Variants in PRR11 observed in about 807,000 individuals in gnomAD.
PRR11 encodes the protein proline rich 11, also known as proline-rich protein 11.
Under a neutral mutation model 45.6 loss-of-function variants are expected in PRR11, and 30 were observed. The observed-to-expected ratio is 0.66, with a 90% CI of 0.49 to 0.89. The LOEUF is 0.89. Among genes scored for constraint, PRR11 ranks in the 40% least tolerant of loss-of-function variants. The probability of loss-of-function intolerance (pLI) is 0.00; values close to 1 mark genes in which losing one functional copy is unlikely to be tolerated. For missense variants in PRR11, 373 were observed against 424.8 expected (o/e 0.88, Z 1.07); for synonymous variants, 128 against 153.5 (o/e 0.83, Z 1.23).
chr17:59,194,443 A>G (rs1047686294), intron 5 of PRR11, among the ~76,000 whole-genome samples: 1 of 151,778 alleles, frequency 6.6e-6, no homozygotes, highest in Admixed American at 6.6e-5. Flanking sequence ...AACTCCTTCA[A>G]CTCTTGTCTT....
chr17:59,155,871 T>C (rs943844817), intron 1 of PRR11, 66 bp downstream of exon 1: 3 of 152,824 alleles, frequency 2.0e-5, no homozygotes, highest in Admixed American at 1.3e-4. Flanking sequence ...GGCCTGTTGC[T>C]GCTTGTGTTT....
intron 2 of PRR11, chr17:59,175,038 G>C: frequency 1.6e-6 from 1 of 632,758 alleles, no homozygotes; most frequent in Non-Finnish European, 2.8e-6. Flanking sequence ...ATGGAACAAG[G>C]GTATCTGGGA....
rs1440559844 is a variant in PRR11 at position 59,193,449 on chromosome 17, A to G, written c.403-43A>G. 2.5e-6 allele frequency: 4 copies of G among 1,610,238 alleles called. No individual in the cohort carries two copies. The African/African-American group carries it at 5.3e-5, about 22-fold the overall frequency. On this transcript the variant is annotated intron_variant, in intron 4 of 9. Coordinates refer to ENST00000262293, the MANE Select transcript of PRR11 (RefSeq NM_018304.4). ...GATGACTCTCACCCTCAAGAATCAAATTAACTTGTTATTTATTTGCCAAAT... is the reference window on the plus strand; with the variant it reads ...GATGACTCTCACCCTCAAGAATCAAGTTAACTTGTTATTTATTTGCCAAAT...
At chr17:59,160,148 GTAAA>G (rs1486841395) in intron 1 of PRR11, among the ~76,000 whole-genome samples, 2 of 151,888 alleles carry the variant, frequency 1.3e-5, no homozygotes, top group Non-Finnish European at 2.9e-5. Flanking sequence ...GCCAGGCACT[GTAAA>G]TACTTTACAT....
At chr17:59,195,915 A>T (rs2046863698) in intron 7 of PRR11, among the ~76,000 whole-genome samples, 1 of 151,478 alleles carries the variant, frequency 6.6e-6, no homozygotes, top group Non-Finnish European at 1.5e-5. Context: ...CCCCATCTCT[A>T]AAAAAAACTA....
intron 2 of PRR11, chr17:59,177,033 A>G (rs1599697677): frequency 2.4e-6 from 1 of 421,266 alleles, no homozygotes; most frequent in East Asian, 6.2e-5. Context: ...TAAAAACAAG[A>G]TAGTATAATC....
chr17:59,185,387 T>C (rs1025872700), intron 3 of PRR11, 53 bp from the exon 4 acceptor site: 1 of 1,562,206 alleles, frequency 6.4e-7, no homozygotes, highest in Non-Finnish European at 8.7e-7. Flanking sequence ...TCCTGTTTTC[T>C]TGTCCTTATC....
chr17:59,161,410 C>CAAAAAAAAAAAAAAAAAAAAA (rs60245705), intron 1 of PRR11, among the ~76,000 whole-genome samples: 1 of 95,266 alleles, frequency 1.0e-5, no homozygotes, highest in Non-Finnish European at 2.1e-5. Flanking sequence ...GACTCCGTCT[C>CAAAAAAAAAAAAAAAAAAAAA]AAAAAAAAAA....
chr17:59,172,914 G>C (rs764469581), intron 2 of PRR11, among the ~76,000 whole-genome samples: 3 of 152,242 alleles, frequency 2.0e-5, no homozygotes, highest in Non-Finnish European at 4.4e-5. Flanking sequence ...GGCACATGGC[G>C]CAGGGCTGGC....
rs1251136293 is a variant in PRR11, at chr17:59,205,363, CTCTT to C, written c.*3736_*3739del. On this transcript the variant is annotated 3_prime_UTR_variant, in exon 10 of 10. Transcript: ENST00000262293. ...AAGATTAATAAAAGTTTTGGTTTTT[CTCTT>C]TCTAACCTTCTTTTTAAACTAGAAA... Among the ~76,000 whole-genome samples, 2 of 151,664 alleles carry C rather than the reference CTCTT, an allele frequency of 1.3e-5. No homozygotes were observed. The highest frequency in any genetic ancestry group is 2.9e-5 in the Non-Finnish European group (2 of 67,928).
At chr17:59,160,818 C>G (rs1213483064) in intron 1 of PRR11, 1 of 152,100 alleles carries the variant, frequency 6.6e-6, no homozygotes, top group African/African-American at 2.4e-5. Flanking sequence ...ACTGCAGCCT[C>G]AAGCTCCTGT....
chr17:59,179,497 G>A (rs1401881318), intron 2 of PRR11, among the ~76,000 whole-genome samples: 1 of 152,158 alleles, frequency 6.6e-6, no homozygotes, highest in Admixed American at 6.5e-5. Flanking sequence ...CATCTCCTAA[G>A]TGTCCCTCAT....
chr17:59,162,759 A>C (rs1424612546), intron 1 of PRR11, among the ~76,000 whole-genome samples: 2 of 111,872 alleles, frequency 1.8e-5, no homozygotes, highest in South Asian at 2.6e-4. Flanking sequence ...ACAGAGTTTC[A>C]CTCTTGTTGC....
intron 2 of PRR11, among the ~76,000 whole-genome samples, chr17:59,178,180 A>AC (rs2046759435): frequency 6.6e-6 from 1 of 152,064 alleles, no homozygotes; most frequent in East Asian, 1.9e-4. Flanking sequence ...CTAAAAACAC[A>AC]AAAATTAGCC....
rs151211034 is a variant in PRR11 at position 59,185,512 on chromosome 17, C to T, written c.352C>T (p.Gln118Ter). Residue 118 changes from glutamine to a stop codon, truncating the protein, a stop_gained, in exon 4 of 10, where the codon CAG becomes TAG. Transcript: ENST00000262293. LOFTEE classifies it high-confidence loss of function. ...CCGAGAACTTTACAGTGTAAAACAA[C>T]AGTTTTGCATTTTGGAAAGTAAATT... is the stretch of plus-strand genomic sequence containing the variant. ...CHRELYSVKQ[Q>*]FCILESKLCK... 6.2e-6 allele frequency: 10 copies of T among 1,611,218 alleles called. No individual in the cohort carries two copies. The highest frequency in any genetic ancestry group is 7.6e-6 in the Non-Finnish European group (9 of 1,179,194).
Position 59,193,616 on chromosome 17 carries a change from C to G in PRR11, c.527C>G (p.Thr176Arg). 1 of 1,614,192 alleles carries G rather than the reference C, an allele frequency of 6.2e-7. No homozygotes were observed. Among genetic ancestry groups the G allele is most frequent in the South Asian group, 1.1e-5 (1 of 91,086 alleles). The change falls in exon 5 of 10, where the codon ACA (threonine) becomes AGA (arginine). Residue 176 changes from threonine to arginine, a missense_variant. Coordinates refer to ENST00000262293, the MANE Select transcript of PRR11 (RefSeq NM_018304.4). The stretch of plus-strand genomic sequence containing the variant: ...GACTCCAAAGCTGTGCTTCCTCCCA[C>G]ACTGCCACAGCCAGCCAGCCATTTT... ...PGDSKAVLPP[T>R]LPQPASHFPP...
chr17:59,188,176 A>G (rs1331405922), intron 4 of PRR11, among the ~76,000 whole-genome samples: 1 of 152,204 alleles, frequency 6.6e-6, no homozygotes, highest in Non-Finnish European at 1.5e-5. Context: ...AAAAATGTAT[A>G]TTGGGAGGCA....
chr17:59,173,183 A>G (rs985566294), intron 2 of PRR11, among the ~76,000 whole-genome samples: 1 of 152,192 alleles, frequency 6.6e-6, no homozygotes, highest in Non-Finnish European at 1.5e-5. Context: ...TGTCTAGCTC[A>G]GGGATTGTAA....
At chr17:59,177,515 G>C (rs2046754634) in intron 2 of PRR11, among the ~76,000 whole-genome samples, 1 of 152,140 alleles carries the variant, frequency 6.6e-6, no homozygotes, top group Non-Finnish European at 1.5e-5. Context: ...AGTGTGTCTA[G>C]GTCGGCTGGT....
Sources: allele counts gnomAD v4.1 joint callset (sites outside exome capture counted in the v4.1 genomes callset), GRCh38; gene constraint gnomAD v4.1.1; transcripts MANE v1.5; gene names NCBI Gene and HGNC (gene_info 2026-07-23, HGNC 2026-07-21).